Variants in SLIT2 observed in about 807,000 individuals in gnomAD.
SLIT2 encodes slit guidance ligand 2.
In SLIT2, 41 loss-of-function variants were observed where a neutral mutation model predicts 185.7. The observed-to-expected ratio is 0.22, with a 90% CI of 0.17 to 0.29. SLIT2 has a LOEUF of 0.29. Among genes scored for constraint, SLIT2 ranks in the 10% least tolerant of loss-of-function variants. SLIT2 has a pLI of 1.00. For synonymous variants in SLIT2, 693 were observed against 680.2 expected, an observed-to-expected ratio of 1.02 and a Z score of -0.29; for missense variants, 1,571 against 1,909.0, an observed-to-expected ratio of 0.82 and a Z score of 3.30.
intron 9 of SLIT2, among the ~76,000 whole-genome samples, chr4:20,507,304 A>G (rs186337787): frequency 2.0e-5 from 3 of 152,140 alleles, no homozygotes; most frequent in East Asian, 1.9e-4. Context: ...ATCATAACAT[A>G]TATTTGAGTG....
At chr4:20,520,412 C>T (rs1720739003) in intron 12 of SLIT2, among the ~76,000 whole-genome samples, 2 of 152,172 alleles carry the variant, frequency 1.3e-5, no homozygotes, top group South Asian at 2.1e-4. Context: ...TCATTTGGGG[C>T]ACACACTGGC....
At chr4:20,472,359 T>TATATATATAGAG (rs1715309683) in intron 5 of SLIT2, among the ~76,000 whole-genome samples, 1 of 21,490 alleles carries the variant, frequency 4.7e-5, no homozygotes. Flanking sequence ...TATAGATATC[T>TATATATATAGAG]ATATAGATAT....
chr4:20,375,155 A>G (rs187651411), intron 4 of SLIT2, among the ~76,000 whole-genome samples: 174 of 152,202 alleles, frequency 1.1e-3, no homozygotes, highest in African/African-American at 4.0e-3. Context: ...CTAGACCATT[A>G]TCATCTTGGT....
chr4:20,289,339 G>A (rs1232321623), intron 4 of SLIT2, among the ~76,000 whole-genome samples: 1 of 152,026 alleles, frequency 6.6e-6, no homozygotes, highest in African/African-American at 2.4e-5. Context: ...AAAAAAATCT[G>A]TGTATGACCC....
chr4:20,470,568 G>GTTTTT (rs1259345283), intron 5 of SLIT2, among the ~76,000 whole-genome samples: 1 of 146,426 alleles, frequency 6.8e-6, no homozygotes, highest in Non-Finnish European at 1.5e-5. Context: ...ACCCCAGTTT[G>GTTTTT]TTTTTTTTGT....
chr4:20,393,191 G>A (rs996270614), intron 4 of SLIT2, among the ~76,000 whole-genome samples: 3 of 151,976 alleles, frequency 2.0e-5, no homozygotes, highest in Non-Finnish European at 2.9e-5. Context: ...TGACTGAGAC[G>A]TCTTTATATG....
rs1213843173 is a variant in SLIT2 at position 20,253,526 on chromosome 4, T to G, written c.-290T>G. The stretch of plus-strand genomic sequence containing the variant: ...GAGACAGAAGACGCGTGATCTCCTC[T>G]CCGCTGCTCTTGGGGTCTCCTTGCA... On this transcript the variant is annotated 5_prime_UTR_variant, in exon 1 of 37. Transcript: ENST00000504154. The G allele has an allele frequency of 4.3e-6, 2 of 465,852 alleles. No homozygotes were observed. Among genetic ancestry groups the G allele is most frequent in the African/African-American group, 3.9e-5 (2 of 50,800 alleles). 28.9% of individuals were successfully genotyped at this position (465,852 alleles called of 1,614,324 possible).
rs536950523 is a variant in SLIT2, at chr4:20,457,324, A to ATC, written c.396-10428_396-10427insTC. Among the ~76,000 whole-genome samples the ATC allele has an allele frequency of 3.6e-4, 54 of 152,100 alleles. No homozygotes were observed. In the South Asian group the frequency reaches 0.011, roughly 31 times the overall value. ...ATATTCTACCAGGGTGCAAGGAAGGAAGACTACTCCAGTATTAACACATTT... is the reference window on the plus strand; with the variant it reads ...ATATTCTACCAGGGTGCAAGGAAGGATCAGACTACTCCAGTATTAACACATTT... On this transcript the variant is annotated intron_variant, in intron 4 of 36. Coordinates refer to ENST00000504154, the MANE Select transcript of SLIT2 (RefSeq NM_004787.4).
chr4:20,342,706 C>G (rs1002767306), intron 4 of SLIT2, among the ~76,000 whole-genome samples: 3 of 141,070 alleles, frequency 2.1e-5, no homozygotes, highest in African/African-American at 7.9e-5. Context: ...TGCCATTCAT[C>G]GACTATCGCA....
chr4:20,286,026 G>T (rs751819957), intron 4 of SLIT2, among the ~76,000 whole-genome samples: 69 of 152,170 alleles, frequency 4.5e-4, no homozygotes, highest in Middle Eastern at 6.3e-3. Context: ...CAATAATATG[G>T]AGGAGGACCA....
At chr4:20,361,078 A>G (rs907618978) in intron 4 of SLIT2, among the ~76,000 whole-genome samples, 1 of 152,272 alleles carries the variant, frequency 6.6e-6, no homozygotes, top group East Asian at 1.9e-4. Flanking sequence ...ACCTTGCAGG[A>G]CATCCTTTGT....
intron 4 of SLIT2, among the ~76,000 whole-genome samples, chr4:20,311,230 AC>A (rs1312003857): frequency 2.0e-5 from 3 of 152,236 alleles, no homozygotes; most frequent in African/African-American, 7.2e-5. Flanking sequence ...GATTTAAAAA[AC>A]GTATGTGTGG....
chr4:20,477,251 A>G (rs1716219173), intron 5 of SLIT2, among the ~76,000 whole-genome samples: 1 of 150,492 alleles, frequency 6.6e-6, no homozygotes, highest in Non-Finnish European at 1.5e-5. Flanking sequence ...TGGGAGTGCA[A>G]TGTCATGAGT....
At position 20,463,464 on chromosome 4, in the gene SLIT2, T is replaced by G. The variant is rs1159661407; in HGVS notation, c.396-4288T>G. Among the ~76,000 whole-genome samples, 131 of 71,640 alleles carry G rather than the reference T, an allele frequency of 1.8e-3. 2 individuals carry two copies. Among genetic ancestry groups the G allele is most frequent in the Middle Eastern group, 5.7e-3 (1 of 174 alleles). The allele number at this position is 71,640 out of a possible 152,430, so 47.0% of individuals were successfully genotyped here. The stretch of plus-strand genomic sequence containing the variant: ...TCAAACTGTGATATATATATATATA[T>G]ATATATATATATATATATATATATA... On this transcript the variant is annotated intron_variant, in intron 4 of 36. Transcript: ENST00000504154.
chr4:20,596,330 T>C, intron 31 of SLIT2, 85 bp from the exon 32 acceptor site: 1 of 1,269,802 alleles, frequency 7.9e-7, no homozygotes, highest in Non-Finnish European at 1.1e-6. Flanking sequence ...ATATATAATA[T>C]ACAGTTATGT....
chr4:20,356,039 C>A (rs1287574764), intron 4 of SLIT2, among the ~76,000 whole-genome samples: 1 of 151,944 alleles, frequency 6.6e-6, no homozygotes, highest in Non-Finnish European at 1.5e-5. Flanking sequence ...AAATAGGGAA[C>A]AAGATAAATG....
chr4:20,580,410 C>CGTGTGT (rs58904041), intron 29 of SLIT2, among the ~76,000 whole-genome samples: 17 of 148,658 alleles, frequency 1.1e-4, no homozygotes, highest in African/African-American at 9.9e-5. Context: ...ATATATTATA[C>CGTGTGT]GTGTGTGTGT....
intron 4 of SLIT2, among the ~76,000 whole-genome samples, chr4:20,354,199 GA>G (rs1186698067): frequency 6.6e-6 from 1 of 151,394 alleles, no homozygotes; most frequent in Admixed American, 6.6e-5. Flanking sequence ...AATTAAGACG[GA>G]AAGGTAGGTT....
At chr4:20,256,629 A>T in intron 1 of SLIT2, 43 bp from the exon 2 acceptor site, 1 of 1,008,250 alleles carries the variant, frequency 9.9e-7, no homozygotes, top group Non-Finnish European at 1.5e-6. Flanking sequence ...GCAGGTAAAC[A>T]TAGAAATAAA....
Sources: allele counts gnomAD v4.1 joint callset (sites outside exome capture counted in the v4.1 genomes callset), GRCh38; gene constraint gnomAD v4.1.1; transcripts MANE v1.5; gene names NCBI Gene and HGNC (gene_info 2026-07-23, HGNC 2026-07-21).